ICE2: variants seen among roughly 807,000 people sequenced by gnomAD.
The protein encoded by ICE2 is interactor of little elongation complex ELL subunit 2.
In ICE2, 87 loss-of-function variants were observed where a neutral mutation model predicts 105.4. The ratio of observed to expected loss-of-function variants is 0.83; its 90% CI spans 0.69 to 0.99. The LOEUF (loss-of-function observed/expected upper bound fraction) is 0.99. Among genes scored for constraint, ICE2 ranks in the 50% least tolerant of loss-of-function variants. ICE2 has a pLI of 0.00. For missense variants in ICE2, 1,323 were observed against 1,146.7 expected (o/e 1.15, Z -2.22); for synonymous variants, 399 against 392.0 (o/e 1.02, Z -0.21).
Position 60,466,588 on chromosome 15 carries a change from T to A in ICE2, c.528+6A>T, listed in dbSNP as rs372905602. 27 of 1,609,266 alleles carry A rather than the reference T, an allele frequency of 1.7e-5. No homozygotes were observed. The South Asian group carries it at 1.9e-4, about 11-fold the overall frequency. The stretch of plus-strand genomic sequence containing the variant: ...CAATTTACACAAATGTGAGTTGTTT[T>A]TTTACCTCTGTGAAGAGACGGGCAT... On this transcript the variant is annotated splice_donor_region_variant and intron_variant, in intron 5 of 15. Transcript: ENST00000261520.
rs553264164 is a variant in ICE2, at chr15:60,459,648, T to A, written c.529-2854A>T. On this transcript the variant is annotated intron_variant, in intron 5 of 15. Transcript: ENST00000261520. ...AGTCCATATAAAACAATAATGTGGG[T>A]AAGTTTAAAAAAGAAACAGCATTAC... 2.0e-5 allele frequency among the ~76,000 whole-genome samples: 3 copies of A among 152,184 alleles called. No individual in the cohort carries two copies. In the South Asian group the frequency reaches 6.2e-4, roughly 32 times the overall value.
chr15:60,456,429 A>T (rs1381037496), intron 6 of ICE2, among the ~76,000 whole-genome samples: 1 of 149,642 alleles, frequency 6.7e-6, no homozygotes, highest in East Asian at 2.0e-4. Flanking sequence ...CTGTAATTCC[A>T]GCTACTTGGG....
intron 13 of ICE2, among the ~76,000 whole-genome samples, chr15:60,434,615 C>T (rs577655996): frequency 3.3e-5 from 5 of 151,408 alleles, no homozygotes; most frequent in African/African-American, 9.7e-5. Context: ...TTATTTGCAT[C>T]GTGGATAGAA....
At chr15:60,448,804 A>G in intron 10 of ICE2, 44 bp downstream of exon 10, 1 of 1,506,212 alleles carries the variant, frequency 6.6e-7, no homozygotes, top group Non-Finnish European at 8.9e-7. Flanking sequence ...CTAAGGAAAA[A>G]GAACAAGTAA....
chr15:60,473,736 CTT>C (rs66872512), intron 3 of ICE2, among the ~76,000 whole-genome samples: 30,816 of 152,028 alleles, frequency 0.2, 3,386 homozygotes, highest in Middle Eastern at 0.33. Flanking sequence ...CCTCAAAAAA[CTT>C]TACAAGTTGA....
chr15:60,436,074 T>C (rs1474138869), intron 13 of ICE2, 69 bp downstream of exon 13: 4 of 591,788 alleles, frequency 6.8e-6, no homozygotes, highest in East Asian at 6.5e-5. Context: ...GCTTAAACAA[T>C]ATTTAAAGAA....
rs777498225 is a variant in ICE2 at position 60,448,007 on chromosome 15, G to A, written c.2258C>T (p.Thr753Ile). 1.9e-6 allele frequency: 3 copies of A among 1,612,210 alleles called. No homozygotes were observed. The highest frequency in any genetic ancestry group is 1.7e-6 in the Non-Finnish European group (2 of 1,179,432). The change falls in exon 11 of 16, where the codon ACA becomes ATA. Residue 753 changes from threonine (T) to isoleucine (I), a missense_variant. Coordinates refer to ENST00000261520, the MANE Select transcript of ICE2 (RefSeq NM_024611.6). ...LVRCSVQRIETRPRSKKRKKI... is the reference protein window; with the variant it reads ...LVRCSVQRIEIRPRSKKRKKI... ...CTTCCGTTTTTTAGAACGTGGTCTT[G>A]TCTCTATCCTCTGGACACTGCAGCG...
Position 60,449,032 on chromosome 15 carries a change from A to C in ICE2, c.1935T>G (p.Val645=), listed in dbSNP as rs1304138400. ...CATCCTGCATTTTTAAAATCTCTCCAACTGGATCAAATTTTTTATATACTC... is the reference window on the plus strand; with the variant it reads ...CATCCTGCATTTTTAAAATCTCTCCCACTGGATCAAATTTTTTATATACTC... The part of the protein sequence containing the change: ...IKRVYKKFDP[V]GEILKMQDEL... Residue 645 remains valine (V), a synonymous_variant, in exon 10 of 16, where the codon GTT becomes GTG. Coordinates refer to ENST00000261520, the MANE Select transcript of ICE2 (RefSeq NM_024611.6). 1 of 1,613,302 alleles carries C rather than the reference A, an allele frequency of 6.2e-7. No individual in the cohort carries two copies. Among genetic ancestry groups the C allele is most frequent in the Non-Finnish European group, 8.5e-7 (1 of 1,179,838 alleles).
intron 12 of ICE2, among the ~76,000 whole-genome samples, chr15:60,436,785 TATG>T (rs1364505397): frequency 2.6e-5 from 4 of 151,430 alleles, no homozygotes. Flanking sequence ...TTATCATAAT[TATG>T]ATATTTATGT....
chr15:60,472,279 A>C (rs1239649847), intron 3 of ICE2, among the ~76,000 whole-genome samples: 1 of 152,126 alleles, frequency 6.6e-6, no homozygotes, highest in African/African-American at 2.4e-5. Context: ...ACAGAGAGTA[A>C]AAGGAAAATT....
At chr15:60,426,741 A>C (rs1377218050) in intron 15 of ICE2, among the ~76,000 whole-genome samples, 1 of 152,224 alleles carries the variant, frequency 6.6e-6, no homozygotes, top group African/African-American at 2.4e-5. Flanking sequence ...CCAAGGTATT[A>C]AACTGTTCAT....
rs1284701371 is a variant in ICE2 at position 60,453,445 on chromosome 15, T to C, written c.1125+158A>G. 2.1e-6 allele frequency: 3 copies of C among 1,403,560 alleles called. No homozygotes were observed. The African/African-American group carries it at 4.4e-5, about 20-fold the overall frequency. 86.9% of individuals were successfully genotyped at this position (1,403,560 alleles called of 1,614,324 possible). A position where few individuals can be genotyped will look rare whatever the true frequency, so the allele number is the denominator to read the frequency against. ...AAACTTAGGCTGAGGGAGGTTAAGT[T>C]AGTTGCCTAAAGTCCAGCTAGACTC... is the stretch of plus-strand genomic sequence containing the variant. On this transcript the variant is annotated intron_variant, in intron 9 of 15. Coordinates refer to ENST00000261520, the MANE Select transcript of ICE2 (RefSeq NM_024611.6).
At chr15:60,433,804 T>G (rs68180864) in intron 13 of ICE2, among the ~76,000 whole-genome samples, 2 of 60,756 alleles carry the variant, frequency 3.3e-5, no homozygotes, top group African/African-American at 1.0e-4. Context: ...TCCTTTTTTT[T>G]AAAAAAAAAA....
chr15:60,458,064 T>C (rs543431371), intron 5 of ICE2, among the ~76,000 whole-genome samples: 3 of 152,300 alleles, frequency 2.0e-5, no homozygotes, highest in African/African-American at 7.2e-5. Flanking sequence ...ATTCAGTAAC[T>C]ACAGCAAGAG....
intron 5 of ICE2, among the ~76,000 whole-genome samples, chr15:60,464,950 GCTAGGAT>G (rs1480466003): frequency 2.6e-5 from 4 of 152,132 alleles, no homozygotes; most frequent in Non-Finnish European, 5.9e-5. Flanking sequence ...GCTGCAGTGA[GCTAGGAT>G]TGTGCCACTG....
intron 15 of ICE2, among the ~76,000 whole-genome samples, chr15:60,427,926 C>G (rs1022514571): frequency 6.6e-6 from 1 of 152,152 alleles, no homozygotes; most frequent in African/African-American, 2.4e-5. Context: ...TAGAAAGACA[C>G]AATTTAGTCC....
intron 5 of ICE2, among the ~76,000 whole-genome samples, chr15:60,459,976 A>G (rs1464367408): frequency 6.6e-6 from 1 of 152,228 alleles, no homozygotes; most frequent in Non-Finnish European, 1.5e-5. Flanking sequence ...AAACTTTCTA[A>G]TTAAAAGAGA....
At chr15:60,442,721 G>T (rs769651321) in intron 11 of ICE2, 176 bp from the exon 12 acceptor site, 1 of 471,208 alleles carries the variant, frequency 2.1e-6, no homozygotes, top group Non-Finnish European at 3.7e-6. Flanking sequence ...ATGAATAGAA[G>T]AATGTTTGGT....
In ICE2 at chr15:60,428,459, C is replaced by A. The variant is rs140396991; in HGVS notation, c.2790G>T (p.Pro930=). 7.4e-6 allele frequency: 12 copies of A among 1,613,712 alleles called. No individual in the cohort carries two copies. Among genetic ancestry groups the A allele is most frequent in the Non-Finnish European group, 1.0e-5 (12 of 1,179,832 alleles). The change falls in exon 15 of 16, where the codon CCG becomes CCT. Residue 930 remains proline (P), a synonymous_variant. Coordinates refer to ENST00000261520, the MANE Select transcript of ICE2 (RefSeq NM_024611.6). ...GTTGTGTTGTGGTATCCAGTGATTT[C>A]GGTGGAAAAGTACAAGGTATTCTTC... The part of the protein sequence containing the change: ...HHGRIPCTFP[P]KSLDTTTQQK...
Sources: allele counts gnomAD v4.1 joint callset (sites outside exome capture counted in the v4.1 genomes callset), GRCh38; gene constraint gnomAD v4.1.1; transcripts MANE v1.5; gene names NCBI Gene and HGNC (gene_info 2026-07-23, HGNC 2026-07-21).